KCND2: variants seen among roughly 807,000 people sequenced by gnomAD.
The protein encoded by KCND2 is A-type voltage-gated potassium channel KCND2.
A neutral mutation model predicts 54.4 loss-of-function variants in KCND2; 16 were observed. The observed-to-expected ratio is 0.29, with a 90% CI of 0.20 to 0.45. The LOEUF (loss-of-function observed/expected upper bound fraction) is 0.45. Among genes scored for constraint, KCND2 ranks in the 20% least tolerant of loss-of-function variants. The pLI is 1.00. For missense variants in KCND2, 486 were observed against 824.2 expected, an observed-to-expected ratio of 0.59 and a Z score of 5.02; for synonymous variants, 317 against 310.7, an observed-to-expected ratio of 1.02 and a Z score of -0.21.
chr7:120,399,087 T>C (rs2116074485), intron 1 of KCND2, among the ~76,000 whole-genome samples: 1 of 152,158 alleles, frequency 6.6e-6, no homozygotes, highest in Admixed American at 6.6e-5. Flanking sequence ...AATACGTATG[T>C]CTTTGTCTCA....
At chr7:120,414,472 C>G (rs1196687450) in intron 1 of KCND2, among the ~76,000 whole-genome samples, 3 of 152,102 alleles carry the variant, frequency 2.0e-5, no homozygotes, top group Admixed American at 2.0e-4. Context: ...GCAATTCCTT[C>G]CATAATTATT....
chr7:120,383,566 T>C (rs1268355343), intron 1 of KCND2, among the ~76,000 whole-genome samples: 1 of 152,094 alleles, frequency 6.6e-6, no homozygotes, highest in Non-Finnish European at 1.5e-5. Context: ...TGTTGACATA[T>C]GATTACAGAA....
intron 1 of KCND2, among the ~76,000 whole-genome samples, chr7:120,351,832 G>A (rs1457580224): frequency 1.4e-5 from 2 of 142,628 alleles, no homozygotes; most frequent in Non-Finnish European, 3.0e-5. Flanking sequence ...TTCTTTTTGA[G>A]ACAGTGTCTC....
At chr7:120,456,210 T>A (rs769628355) in intron 1 of KCND2, among the ~76,000 whole-genome samples, 7 of 152,178 alleles carry the variant, frequency 4.6e-5, no homozygotes, top group Non-Finnish European at 8.8e-5. Flanking sequence ...ATATGATACT[T>A]TATATTTTAA....
intron 1 of KCND2, among the ~76,000 whole-genome samples, chr7:120,525,612 A>G (rs1413993543): frequency 6.6e-6 from 1 of 152,138 alleles, no homozygotes; most frequent in Non-Finnish European, 1.5e-5. Context: ...CCTTTGCAAG[A>G]TTTGAACTGA....
intron 1 of KCND2, among the ~76,000 whole-genome samples, chr7:120,322,102 C>A (rs927635110): frequency 6.6e-6 from 1 of 151,702 alleles, no homozygotes; most frequent in East Asian, 1.9e-4. Flanking sequence ...TCACAAATAC[C>A]TTTAAATTTA....
chr7:120,580,301 C>G (rs60567357), intron 1 of KCND2, among the ~76,000 whole-genome samples: 2,223 of 152,256 alleles, frequency 0.015, 47 homozygotes, highest in African/African-American at 0.051. Context: ...TTTGGCTTAG[C>G]CCTCTTAAAG....
intron 1 of KCND2, among the ~76,000 whole-genome samples, chr7:120,487,228 A>C (rs1190637908): frequency 2.0e-5 from 3 of 152,190 alleles, no homozygotes; most frequent in African/African-American, 4.8e-5. Context: ...TCTTTAAGTA[A>C]AGATTTTTTT....
chr7:120,603,447 A>G (rs374162569), intron 1 of KCND2, among the ~76,000 whole-genome samples: 1 of 152,182 alleles, frequency 6.6e-6, no homozygotes, highest in African/African-American at 2.4e-5. Flanking sequence ...CAGTAAACAG[A>G]GATGGCCTTG....
intron 1 of KCND2, among the ~76,000 whole-genome samples, chr7:120,425,183 T>C (rs748835979): frequency 6.6e-6 from 1 of 152,190 alleles, no homozygotes; most frequent in Non-Finnish European, 1.5e-5. Flanking sequence ...AAACTGAGCA[T>C]ATAATGGAGT....
At chr7:120,277,542 T>C (rs1201057507) in intron 1 of KCND2, among the ~76,000 whole-genome samples, 1 of 152,086 alleles carries the variant, frequency 6.6e-6, no homozygotes, top group Non-Finnish European at 1.5e-5. Flanking sequence ...GCTGTGTTTC[T>C]TGAGGTATCA....
At chr7:120,712,576 G>T (rs919478812) in intron 1 of KCND2, among the ~76,000 whole-genome samples, 7 of 151,762 alleles carry the variant, frequency 4.6e-5, no homozygotes, top group Admixed American at 6.6e-5. Flanking sequence ...TGTGCTTTTT[G>T]ATTTAGTTTT....
At chr7:120,535,183 A>G (rs1791890478) in intron 1 of KCND2, among the ~76,000 whole-genome samples, 1 of 152,186 alleles carries the variant, frequency 6.6e-6, no homozygotes, top group African/African-American at 2.4e-5. Flanking sequence ...ACTTACTTCC[A>G]TCATTATTCC....
At chr7:120,572,393 C>T (rs1251292525) in intron 1 of KCND2, among the ~76,000 whole-genome samples, 1 of 152,092 alleles carries the variant, frequency 6.6e-6, no homozygotes, top group African/African-American at 2.4e-5. Flanking sequence ...ATGGTTTCTA[C>T]ACAGATTATT....
chr7:120,434,648 A>G (rs1466486990), intron 1 of KCND2, among the ~76,000 whole-genome samples: 7 of 152,242 alleles, frequency 4.6e-5, no homozygotes, highest in Admixed American at 1.3e-4. Context: ...GAAAGAAGAA[A>G]TGGTTAAATC....
chr7:120,398,728 A>G (rs897010984), intron 1 of KCND2, among the ~76,000 whole-genome samples: 1 of 152,148 alleles, frequency 6.6e-6, no homozygotes, highest in African/African-American at 2.4e-5. Flanking sequence ...AGTCACCCAC[A>G]CCTTGCTAAG....
intron 1 of KCND2, chr7:120,672,753 A>T (rs1792007453): frequency 6.6e-6 from 1 of 152,084 alleles, no homozygotes; most frequent in Non-Finnish European, 1.5e-5. Flanking sequence ...ATTTTAAAAT[A>T]TGACTGTATT....
chr7:120,359,478 A>G (rs1284930428), intron 1 of KCND2, among the ~76,000 whole-genome samples: 1 of 152,098 alleles, frequency 6.6e-6, no homozygotes, highest in Non-Finnish European at 1.5e-5. Flanking sequence ...TGTCCTTGCA[A>G]TGTTTAATAC....
At chr7:120,323,457 C>T (rs938667764) in intron 1 of KCND2, among the ~76,000 whole-genome samples, 2 of 150,886 alleles carry the variant, frequency 1.3e-5, no homozygotes, top group Non-Finnish European at 2.9e-5. Flanking sequence ...ACTCCCCCCA[C>T]CCCACAACAG....
Sources: allele counts gnomAD v4.1 joint callset (sites outside exome capture counted in the v4.1 genomes callset), GRCh38; gene constraint gnomAD v4.1.1; transcripts MANE v1.5; gene names NCBI Gene and HGNC (gene_info 2026-07-23, HGNC 2026-07-21).